FHL5: variants seen among roughly 807,000 people sequenced by gnomAD.
FHL5 encodes the protein four and a half LIM domains protein 5.
FHL5 carries 33 observed loss-of-function variants against 32.0 expected under a neutral mutation model. The ratio of observed to expected loss-of-function variants is 1.03; its 90% CI spans 0.78 to 1.38. The LOEUF (loss-of-function observed/expected upper bound fraction) is 1.38. FHL5 is among the 40% of genes most tolerant of loss of function. The pLI is 0.00. For synonymous variants in FHL5, 114 were observed against 113.6 expected (o/e 1.00, Z -0.02); for missense variants, 336 against 343.9 (o/e 0.98, Z 0.18).
At chr6:96,569,824 G>T (rs575966301) in intron 1 of FHL5, among the ~76,000 whole-genome samples, 69 of 116,188 alleles carry the variant, frequency 5.9e-4, no homozygotes, top group African/African-American at 1.7e-3. Context: ...CATATACTTA[G>T]GTCTTTTTTT....
intron 1 of FHL5, among the ~76,000 whole-genome samples, chr6:96,592,041 G>A (rs1057424239): frequency 1.3e-5 from 2 of 152,116 alleles, no homozygotes; most frequent in African/African-American, 2.4e-5. Context: ...TAGGACCGGG[G>A]CAAAATTAAA....
intron 1 of FHL5, among the ~76,000 whole-genome samples, chr6:96,585,024 G>C (rs959936638): frequency 6.6e-6 from 1 of 152,088 alleles, no homozygotes; most frequent in Non-Finnish European, 1.5e-5. Flanking sequence ...GCTCAGTCAG[G>C]CTTCGAAAAT....
intron 5 of FHL5, among the ~76,000 whole-genome samples, chr6:96,612,595 C>T (rs1771433620): frequency 6.6e-6 from 1 of 151,980 alleles, no homozygotes; most frequent in Admixed American, 6.5e-5. Context: ...GATGGAAAAA[C>T]AACGTTGTTC....
intron 1 of FHL5, among the ~76,000 whole-genome samples, chr6:96,587,542 C>T (rs2971603): frequency 0.23 from 35,478 of 152,014 alleles, 4,304 homozygotes; most frequent in Middle Eastern, 0.31. Flanking sequence ...CTTAATTCCA[C>T]TTCTATTAAC....
In FHL5 at chr6:96,615,757, G is replaced by A. The variant is rs868500858; in HGVS notation, c.840G>A (p.Met280Ile). 3.1e-6 allele frequency: 5 copies of A among 1,609,176 alleles called. No individual in the cohort carries two copies. The highest frequency in any genetic ancestry group is 4.2e-6 in the Non-Finnish European group (5 of 1,177,706). The change falls in exon 6 of 6, where the codon ATG (methionine) becomes ATA (isoleucine). Residue 280 changes from methionine to isoleucine, a missense_variant. Coordinates refer to ENST00000450218, the MANE Select transcript of FHL5 (RefSeq NM_001322466.2). ...EIFCQKCGSG[M>I]DTDI ...TCTGCCAAAAATGTGGCTCCGGAAT[G>A]GACACTGACATCTAGGAGACAGTCC...
At chr6:96,604,188 T>C (rs1200387030) in intron 2 of FHL5, among the ~76,000 whole-genome samples, 2 of 152,098 alleles carry the variant, frequency 1.3e-5, no homozygotes, top group Non-Finnish European at 2.9e-5. Flanking sequence ...CTTCATTTCT[T>C]ACTAAACCCT....
intron 1 of FHL5, among the ~76,000 whole-genome samples, chr6:96,589,773 T>A (rs1436588361): frequency 6.6e-6 from 1 of 152,024 alleles, no homozygotes; most frequent in African/African-American, 2.4e-5. Context: ...TGACATTCTC[T>A]TATATTCTCA....
chr6:96,601,494 T>TAAAACATAAAAACA (rs1771148702), intron 1 of FHL5, among the ~76,000 whole-genome samples: 1 of 152,244 alleles, frequency 6.6e-6, no homozygotes, highest in Non-Finnish European at 1.5e-5. Context: ...TACAGGTATT[T>TAAAACATAAAAACA]TGATGTTGTC....
intron 1 of FHL5, among the ~76,000 whole-genome samples, chr6:96,585,992 T>C (rs1441749480): frequency 2.0e-5 from 3 of 152,128 alleles, no homozygotes; most frequent in African/African-American, 4.8e-5. Context: ...TAGCTGAGTA[T>C]TGAGAACGGG....
chr6:96,565,402 T>C (rs1770335226), intron 1 of FHL5, among the ~76,000 whole-genome samples: 1 of 152,194 alleles, frequency 6.6e-6, no homozygotes, highest in Non-Finnish European at 1.5e-5. Context: ...CTTAAAGATA[T>C]AATTAAAACA....
At chr6:96,612,049 C>A (rs1431879196) in intron 5 of FHL5, among the ~76,000 whole-genome samples, 1 of 152,188 alleles carries the variant, frequency 6.6e-6, no homozygotes. Context: ...CGTGGCTGTC[C>A]AATTGCATGG....
intron 1 of FHL5, among the ~76,000 whole-genome samples, chr6:96,581,483 G>A (rs1388030775): frequency 6.6e-6 from 1 of 152,168 alleles, no homozygotes; most frequent in Non-Finnish European, 1.5e-5. Context: ...TGGCCCTGTG[G>A]GAGTTATTCA....
chr6:96,612,276 A>G (rs189328187), intron 5 of FHL5, among the ~76,000 whole-genome samples: 33 of 152,368 alleles, frequency 2.2e-4, no homozygotes, highest in African/African-American at 6.7e-4. Flanking sequence ...CAGATATCCA[A>G]CAATACCTGG....
At chr6:96,586,274 TA>T (rs1423580133) in intron 1 of FHL5, among the ~76,000 whole-genome samples, 2 of 152,216 alleles carry the variant, frequency 1.3e-5, no homozygotes, top group Non-Finnish European at 2.9e-5. Flanking sequence ...ACTTGTTTTT[TA>T]AAAAACATTG....
At chr6:96,572,079 G>C (rs775687905) in intron 1 of FHL5, among the ~76,000 whole-genome samples, 1 of 152,162 alleles carries the variant, frequency 6.6e-6, no homozygotes, top group South Asian at 2.1e-4. Flanking sequence ...TCAGTTTATA[G>C]AGCAAGGTGT....
chr6:96,577,372 C>A (rs907651804), intron 1 of FHL5, among the ~76,000 whole-genome samples: 4 of 151,876 alleles, frequency 2.6e-5, no homozygotes, highest in Non-Finnish European at 4.4e-5. Context: ...CAAACACCCC[C>A]CCAACACACA....
At chr6:96,562,922 T>A (rs1025076096), upstream of FHL5, among the ~76,000 whole-genome samples, 1 of 152,222 alleles carries the variant, frequency 6.6e-6, no homozygotes, top group Non-Finnish European at 1.5e-5. Flanking sequence ...ATTATTTTTA[T>A]AAATATGCCC....
chr6:96,609,370 A>G (rs1771350440), intron 4 of FHL5, among the ~76,000 whole-genome samples: 1 of 152,190 alleles, frequency 6.6e-6, no homozygotes, highest in Non-Finnish European at 1.5e-5. Flanking sequence ...CAGTATCTAC[A>G]GCAATTCTAA....
At chr6:96,579,202 T>G (rs1405861768) in intron 1 of FHL5, among the ~76,000 whole-genome samples, 1 of 152,186 alleles carries the variant, frequency 6.6e-6, no homozygotes, top group Non-Finnish European at 1.5e-5. Context: ...AAAAATGAAT[T>G]TTGCTACCTT....
Sources: allele counts gnomAD v4.1 joint callset (sites outside exome capture counted in the v4.1 genomes callset), GRCh38; gene constraint gnomAD v4.1.1; transcripts MANE v1.5; gene names NCBI Gene and HGNC (gene_info 2026-07-23, HGNC 2026-07-21).